SLC25A48: variants seen among roughly 807,000 people sequenced by gnomAD.
SLC25A48 encodes the protein solute carrier family 25 member 48.
Under a neutral mutation model 32.2 loss-of-function variants are expected in SLC25A48, and 29 were observed. The ratio of observed to expected loss-of-function variants is 0.90; its 90% CI spans 0.67 to 1.23. The LOEUF (loss-of-function observed/expected upper bound fraction) is 1.23, where lower values mean the gene tolerates loss of function less well. Among genes scored for constraint, SLC25A48 ranks in the 50% most tolerant of loss-of-function variants. The pLI is 0.00. For synonymous variants in SLC25A48, 164 were observed against 172.3 expected (o/e 0.95, Z 0.38); for missense variants, 399 against 422.7 (o/e 0.94, Z 0.49).
At chr5:135,883,439 A>G in intron 7 of SLC25A48, 10 of 985,462 alleles carry the variant, frequency 1.0e-5, no homozygotes, top group Non-Finnish European at 1.2e-5. Flanking sequence ...AAATAAAAGC[A>G]TTAAAAACCT....
intron 1 of SLC25A48, among the ~76,000 whole-genome samples, chr5:135,596,758 C>G (rs186709235): frequency 1.3e-5 from 2 of 152,308 alleles, no homozygotes; most frequent in South Asian, 2.1e-4. Context: ...TCATGCCCCA[C>G]TTTTCATTAG....
intron 4 of SLC25A48, among the ~76,000 whole-genome samples, chr5:135,819,948 A>G (rs1348316033): frequency 6.6e-6 from 1 of 152,174 alleles, no homozygotes; most frequent in African/African-American, 2.4e-5. Context: ...TGGAACTTTT[A>G]CACATTACTG....
rs568740117 is a variant in SLC25A48, at chr5:135,871,565, G to A, written c.526G>A (p.Gly176Arg). The A allele has an allele frequency of 1.4e-5, 23 of 1,614,228 alleles. No homozygotes were observed. Among genetic ancestry groups the A allele is most frequent in the East Asian group, 6.7e-5 (3 of 44,876 alleles). ...CATTGTGAGGAATGAGGGCCTGGCG[G>A]GGCTATACCGGGGGGCCAGTGCCAT... ...TTIVRNEGLA[G>R]LYRGASAMLL... Residue 176 changes from glycine (G) to arginine (R), a missense_variant, in exon 5 of 8, where the codon GGG becomes AGG. Transcript: ENST00000681962.
At chr5:135,680,939 T>C (rs910381559) in intron 3 of SLC25A48, among the ~76,000 whole-genome samples, 2 of 152,208 alleles carry the variant, frequency 1.3e-5, no homozygotes, top group Admixed American at 6.5e-5. Flanking sequence ...ATTTTCCCTA[T>C]AGTTTTTCTC....
intron 1 of SLC25A48, among the ~76,000 whole-genome samples, chr5:135,580,515 C>A (rs755560838): frequency 6.6e-6 from 1 of 152,152 alleles, no homozygotes; most frequent in Non-Finnish European, 1.5e-5. Context: ...AACTGGAGAG[C>A]CCTTGCTGCT....
At chr5:135,787,788 G>A (rs989355125) in intron 3 of SLC25A48, among the ~76,000 whole-genome samples, 1 of 151,448 alleles carries the variant, frequency 6.6e-6, no homozygotes, top group African/African-American at 2.4e-5. Flanking sequence ...ATATCCTAGG[G>A]GGATATTACT....
chr5:135,857,651 A>G (rs1760443274), intron 4 of SLC25A48, among the ~76,000 whole-genome samples: 1 of 152,242 alleles, frequency 6.6e-6, no homozygotes, highest in Non-Finnish European at 1.5e-5. Context: ...GCTGAGAGCC[A>G]GAGAGGAACT....
intron 3 of SLC25A48, among the ~76,000 whole-genome samples, chr5:135,777,878 A>T (rs779009955): frequency 1.3e-4 from 20 of 151,698 alleles, no homozygotes; most frequent in Non-Finnish European, 2.4e-4. Context: ...AAGAAAAATA[A>T]TATTACTCCC....
chr5:135,636,798 G>A (rs754000539), intron 3 of SLC25A48, among the ~76,000 whole-genome samples: 2 of 152,194 alleles, frequency 1.3e-5, no homozygotes, highest in Non-Finnish European at 2.9e-5. Context: ...GTTACCTCGA[G>A]GTTGAGTAAC....
chr5:135,747,642 A>G (rs1449292881), intron 3 of SLC25A48, among the ~76,000 whole-genome samples: 2 of 152,202 alleles, frequency 1.3e-5, no homozygotes, highest in Admixed American at 1.3e-4. Context: ...CATTGATCAC[A>G]GGTTTGGCAC....
At chr5:135,795,638 C>A (rs952260664) in intron 3 of SLC25A48, among the ~76,000 whole-genome samples, 2 of 151,802 alleles carry the variant, frequency 1.3e-5, no homozygotes, top group Admixed American at 6.6e-5. Flanking sequence ...AGGGGTTGTA[C>A]ACTTCCCTGT....
chr5:135,835,276 A>C, intron 1 of SLC25A48: 1 of 457,972 alleles, frequency 2.2e-6, no homozygotes, highest in South Asian at 1.6e-5. Flanking sequence ...GTATGAGGGT[A>C]GCGCTTGGCT....
At chr5:135,656,904 T>C (rs1410737890) in intron 3 of SLC25A48, among the ~76,000 whole-genome samples, 2 of 152,174 alleles carry the variant, frequency 1.3e-5, no homozygotes, top group Non-Finnish European at 2.9e-5. Flanking sequence ...GATCTTGAAC[T>C]TCTTGCCTTT....
At chr5:135,810,093 C>A (rs1400870922) in intron 3 of SLC25A48, among the ~76,000 whole-genome samples, 1 of 152,178 alleles carries the variant, frequency 6.6e-6, no homozygotes, top group African/African-American at 2.4e-5. Context: ...GAGTCGCAGC[C>A]TCCCAAAGTG....
chr5:135,701,208 A>C (rs1754388381), intron 3 of SLC25A48, among the ~76,000 whole-genome samples: 1 of 152,056 alleles, frequency 6.6e-6, no homozygotes, highest in Non-Finnish European at 1.5e-5. Context: ...GCCCTGGTCC[A>C]CTTGGCCCAG....
At chr5:135,750,311 T>G (rs2127007796) in intron 3 of SLC25A48, among the ~76,000 whole-genome samples, 1 of 152,290 alleles carries the variant, frequency 6.6e-6, no homozygotes, top group African/African-American at 2.4e-5. Context: ...GTTTATTGCT[T>G]CCTGTGACTC....
chr5:135,767,264 A>G (rs1301740337), intron 3 of SLC25A48, among the ~76,000 whole-genome samples: 2 of 151,134 alleles, frequency 1.3e-5, no homozygotes, highest in Non-Finnish European at 3.0e-5. Flanking sequence ...GGTGGTCTTC[A>G]TATGGTTCGT....
intron 3 of SLC25A48, among the ~76,000 whole-genome samples, chr5:135,766,218 T>C (rs568345367): frequency 3.3e-5 from 5 of 151,906 alleles, no homozygotes; most frequent in African/African-American, 1.2e-4. Flanking sequence ...AAGAGGGTGA[T>C]ATTACTCCCC....
chr5:135,884,027 A>G (rs1389913967), intron 7 of SLC25A48, among the ~76,000 whole-genome samples: 1 of 152,166 alleles, frequency 6.6e-6, no homozygotes, highest in Non-Finnish European at 1.5e-5. Context: ...TTCTCAGCAC[A>G]GTGCCGTGGC....
Sources: allele counts gnomAD v4.1 joint callset (sites outside exome capture counted in the v4.1 genomes callset), GRCh38; gene constraint gnomAD v4.1.1; transcripts MANE v1.5; gene names NCBI Gene and HGNC (gene_info 2026-07-23, HGNC 2026-07-21).